The following UBAP1 variants were observed in gnomAD, a reference collection of about 807,000 sequenced individuals.
The protein encoded by UBAP1 is ubiquitin associated protein 1, also known as ubiquitin-associated protein 1.
UBAP1 carries 5 observed loss-of-function variants against 39.0 expected under a neutral mutation model. The observed-to-expected ratio is 0.13, with a 90% CI of 0.07 to 0.27. UBAP1 has a LOEUF of 0.27. UBAP1 is among the 10% of genes least tolerant of loss of function. The probability of loss-of-function intolerance (pLI) is 1.00; values close to 1 mark genes in which losing one functional copy is unlikely to be tolerated. For missense variants in UBAP1, 490 were observed against 608.1 expected, an observed-to-expected ratio of 0.81 and a Z score of 2.04; for synonymous variants, 211 against 225.1, an observed-to-expected ratio of 0.94 and a Z score of 0.56.
Position 34,251,488 on chromosome 9 carries a change from G to A in UBAP1, c.1465G>A (p.Asp489Asn). 1 of 1,614,206 alleles carries A rather than the reference G, an allele frequency of 6.2e-7. No homozygotes were observed. The highest frequency in any genetic ancestry group is 8.5e-7 in the Non-Finnish European group (1 of 1,180,034). The change falls in exon 7 of 7, where the codon GAC becomes AAC. Residue 489 changes from aspartate to asparagine, a missense_variant. By Grantham distance (23) the Asp-to-Asn change is conservative. Transcript: ENST00000297661. The part of the protein sequence containing the change: ...EVLLLHNNDQ[D>N]NALEDLMARA... ...TTTGCTATTACACAACAATGACCAG[G>A]ACAATGCTTTGGAAGACCTCATGGC...
intron 1 of UBAP1, among the ~76,000 whole-genome samples, chr9:34,182,196 A>T (rs1423714943): frequency 1.5e-5 from 1 of 67,190 alleles, no homozygotes; most frequent in Non-Finnish European, 4.8e-5. Context: ...TTATTTATTT[A>T]TTTATTGAGA....
intron 2 of UBAP1, among the ~76,000 whole-genome samples, chr9:34,227,647 C>G (rs1833173779): frequency 6.6e-6 from 1 of 152,224 alleles, no homozygotes; most frequent in Non-Finnish European, 1.5e-5. Flanking sequence ...CACTCACTAT[C>G]TTCCACCAAA....
At chr9:34,182,631 C>A (rs531005202) in intron 1 of UBAP1, among the ~76,000 whole-genome samples, 20 of 54,998 alleles carry the variant, frequency 3.6e-4, no homozygotes, top group Non-Finnish European at 5.0e-4. Flanking sequence ...TTCTTTCTTT[C>A]TTTCTTTCTT....
intron 2 of UBAP1, chr9:34,224,146 C>T: frequency 7.3e-6 from 5 of 684,522 alleles, no homozygotes; most frequent in Admixed American, 3.3e-5. Flanking sequence ...TGATTTTGGC[C>T]TTTTTTTTTC....
At chr9:34,206,452 GT>G (rs1430354828) in intron 1 of UBAP1, among the ~76,000 whole-genome samples, 2 of 152,102 alleles carry the variant, frequency 1.3e-5, no homozygotes, top group Non-Finnish European at 2.9e-5. Flanking sequence ...TGAGGCTGCA[GT>G]GAGTCAAGAT....
chr9:34,231,645 TTTTG>T (rs142743218), intron 2 of UBAP1, among the ~76,000 whole-genome samples: 17,885 of 131,768 alleles, frequency 0.14, 1,238 homozygotes, highest in Non-Finnish European at 0.21. Context: ...TGTTTTTTTT[TTTTG>T]TTTGTTTGTT....
chr9:34,213,929 A>C (rs1316699480), intron 1 of UBAP1, among the ~76,000 whole-genome samples: 1 of 100,188 alleles, frequency 1.0e-5, no homozygotes, highest in African/African-American at 3.2e-5. Flanking sequence ...CAACAGCTGC[A>C]AAAAAAAAAA....
intron 3 of UBAP1, among the ~76,000 whole-genome samples, chr9:34,239,420 C>G (rs764581764): frequency 6.6e-6 from 1 of 152,302 alleles, no homozygotes; most frequent in East Asian, 1.9e-4. Flanking sequence ...ACAGTCAGAC[C>G]TAGAGCTCTA....
chr9:34,188,536 G>A (rs1830542098), intron 1 of UBAP1, among the ~76,000 whole-genome samples: 1 of 150,830 alleles, frequency 6.6e-6, no homozygotes, highest in South Asian at 2.1e-4. Flanking sequence ...CCAAGTGCTG[G>A]GATTACAGAC....
At chr9:34,241,084 G>A (rs1052752027) in intron 3 of UBAP1, 101 bp from the exon 4 acceptor site, 17 of 817,904 alleles carry the variant, frequency 2.1e-5, no homozygotes, top group South Asian at 4.0e-5. Context: ...TGCCTTGTCC[G>A]GTTATCCTCT....
At chr9:34,202,582 C>T (rs72731270) in intron 1 of UBAP1, among the ~76,000 whole-genome samples, 18,631 of 144,574 alleles carry the variant, frequency 0.13, 1,508 homozygotes, top group Non-Finnish European at 0.18. Flanking sequence ...AAGACTCCAG[C>T]AAGGGCTATG....
rs943478855 is a variant in UBAP1 at position 34,216,508 on chromosome 9, A to G, written c.-7-4400A>G. Among the ~76,000 whole-genome samples the G allele has an allele frequency of 1.3e-5, 2 of 151,844 alleles. No individual in the cohort carries two copies. The highest frequency in any genetic ancestry group is 4.8e-5 in the African/African-American group (2 of 41,326). ...CTTTTTTTTATTTTAAATTTTTTTT[A>G]GAGCTGGGGTCTCACTCTGTTGCCC... On this transcript the variant is annotated intron_variant, in intron 1 of 6. Transcript: ENST00000297661.
intron 3 of UBAP1, among the ~76,000 whole-genome samples, chr9:34,236,204 G>A (rs576423740): frequency 4.6e-5 from 7 of 151,986 alleles, no homozygotes; most frequent in African/African-American, 1.7e-4. Context: ...CCTTTTCTAT[G>A]TTTAGATAGG....
chr9:34,190,640 T>A (rs575426840), intron 1 of UBAP1, among the ~76,000 whole-genome samples: 2 of 149,438 alleles, frequency 1.3e-5, no homozygotes, highest in East Asian at 3.9e-4. Context: ...TTTCTTTTTT[T>A]TTTTTTTTTT....
At chr9:34,190,896 C>T (rs574836059) in intron 1 of UBAP1, among the ~76,000 whole-genome samples, 130 of 151,182 alleles carry the variant, frequency 8.6e-4, no homozygotes, top group African/African-American at 2.9e-3. Context: ...GATCCACCTG[C>T]CTCGGCCTCC....
chr9:34,249,853 G>C lies in UBAP1; in HGVS notation c.1158G>C (p.Gln386His), dbSNP rs1834377575. ...PSCPQAYSEL[Q>H]MLSPSERQCV... ...GTCCCCAGGCCTATTCTGAACTGCA[G>C]ATGCTGTCCCCCAGCGAGCGGCAGT... Residue 386 changes from glutamine (Q) to histidine (H), a missense_variant, in exon 5 of 7, where the codon CAG becomes CAC. This residue lies in a region of UBAP1 where 339 missense variants were observed against 390.0 expected (regional missense o/e 0.87). Transcript: ENST00000297661. The C allele has an allele frequency of 1.2e-6, 2 of 1,614,220 alleles. No individual in the cohort carries two copies. The highest frequency in any genetic ancestry group is 8.5e-7 in the Non-Finnish European group (1 of 1,180,040).
chr9:34,250,539 C>T (rs1348105870), intron 5 of UBAP1, 119 bp from the exon 6 acceptor site: 1 of 674,724 alleles, frequency 1.5e-6, no homozygotes, highest in Admixed American at 2.8e-5. Context: ...AAATCCTATC[C>T]AGTATCTGAC....
rs189479928 is a variant in UBAP1 at position 34,242,107 on chromosome 9, C to T, written c.1082C>T (p.Thr361Met). 2.7e-5 allele frequency: 43 copies of T among 1,578,664 alleles called. No individual in the cohort carries two copies. In the Admixed American group the frequency reaches 4.7e-4, roughly 17 times the overall value. ...TCATCACCTCCAAATACTGGTCCCA[C>T]GGTAAGTCTTTTAAATCCCCCGCCG... The part of the protein sequence containing the change: ...EESSPPNTGP[T>M]VTPPNFSVSQ... Residue 361 changes from threonine to methionine, a missense_variant and splice_region_variant, in exon 4 of 7, where the codon ACG becomes ATG. Transcript: ENST00000297661.
At chr9:34,232,206 G>C (rs1428401882) in intron 2 of UBAP1, among the ~76,000 whole-genome samples, 3 of 152,016 alleles carry the variant, frequency 2.0e-5, no homozygotes, top group Admixed American at 2.0e-4. Flanking sequence ...TGTTGGCCAG[G>C]TTAGTCTAGA....
Sources: gnomAD v4.1 joint callset for allele counts (sites outside exome capture counted in the v4.1 genomes callset) on GRCh38, gnomAD v4.1.1 for gene constraint, gnomAD v4.1.1 regional missense constraint, MANE v1.5 for transcripts, NCBI Gene and HGNC (gene_info 2026-07-23, HGNC 2026-07-21) for gene names.